REDIC1: variants seen among roughly 807,000 people sequenced by gnomAD.
The protein encoded by REDIC1 is regulator of DNA class I crossover intermediates 1, also known as HEI10 Interacting Protein 1.
chr12:39,826,279 T>C, the REDIC1 span, among the ~76,000 whole-genome samples: 4 of 152,020 alleles, frequency 2.6e-5, no homozygotes, highest in South Asian at 2.1e-4. Flanking sequence ...TTAGTACTTA[T>C]CTAATTTTTT....
the REDIC1 span, among the ~76,000 whole-genome samples, chr12:39,896,321 T>C: frequency 4.9e-5 from 4 of 82,186 alleles, no homozygotes; most frequent in East Asian, 1.0e-3. Flanking sequence ...TATATGTATG[T>C]ATATGTGTAT....
At chr12:39,875,380 GTGA>G in the REDIC1 span, among the ~76,000 whole-genome samples, 1 of 152,136 alleles carries the variant, frequency 6.6e-6, no homozygotes, top group African/African-American at 2.4e-5. Flanking sequence ...TGCCTCCCTT[GTGA>G]CTATATTGGC....
the REDIC1 span, among the ~76,000 whole-genome samples, chr12:39,849,294 T>G: frequency 1.3e-5 from 2 of 152,196 alleles, no homozygotes; most frequent in Non-Finnish European, 2.9e-5. Flanking sequence ...TGTGCATTGG[T>G]GAATGCAGCA....
chr12:39,859,837 G>A, the REDIC1 span, among the ~76,000 whole-genome samples: 2 of 151,960 alleles, frequency 1.3e-5, no homozygotes, highest in Admixed American at 1.3e-4. Context: ...TAATTGAGAA[G>A]TATTAAAAAG....
the REDIC1 span, among the ~76,000 whole-genome samples, chr12:39,679,880 A>G: frequency 6.6e-6 from 1 of 152,180 alleles, no homozygotes; most frequent in African/African-American, 2.4e-5. Flanking sequence ...AAACCAAAAC[A>G]TAAAGTGGGG....
chr12:39,673,553 T>C, the REDIC1 span, among the ~76,000 whole-genome samples: 1 of 152,246 alleles, frequency 6.6e-6, no homozygotes, highest in Non-Finnish European at 1.5e-5. Flanking sequence ...ATAAGTTTTC[T>C]TTCACTGATT....
chr12:39,666,175 C>T, the REDIC1 span, among the ~76,000 whole-genome samples: 1 of 152,086 alleles, frequency 6.6e-6, no homozygotes, highest in African/African-American at 2.4e-5. Context: ...CAGTTTTTGC[C>T]CTTTCAGTAT....
At chr12:39,630,807 G>A in the REDIC1 span, among the ~76,000 whole-genome samples, 2 of 152,242 alleles carry the variant, frequency 1.3e-5, no homozygotes. Context: ...GAGTTTGTAA[G>A]CTAGACAAAG....
At chr12:39,630,927 A>G in the REDIC1 span, among the ~76,000 whole-genome samples, 1 of 152,228 alleles carries the variant, frequency 6.6e-6, no homozygotes, top group African/African-American at 2.4e-5. Context: ...TGGTCCTAGT[A>G]GCATGCCCAG....
the REDIC1 span, among the ~76,000 whole-genome samples, chr12:39,713,154 T>C: frequency 1.3e-5 from 2 of 150,286 alleles, no homozygotes; most frequent in Non-Finnish European, 3.0e-5. Flanking sequence ...GATATGTGCA[T>C]ATACACACGT....
chr12:39,891,995 C>T, the REDIC1 span, among the ~76,000 whole-genome samples: 1 of 152,024 alleles, frequency 6.6e-6, no homozygotes, highest in Non-Finnish European at 1.5e-5. Context: ...TAGGTTTAAT[C>T]AAGTCTATTA....
chr12:39,774,575 T>C, the REDIC1 span, among the ~76,000 whole-genome samples: 3 of 131,210 alleles, frequency 2.3e-5, no homozygotes, highest in South Asian at 7.6e-4. Flanking sequence ...TGATTTCCCA[T>C]TGTCCAGCCT....
chr12:39,875,083 G>A, the REDIC1 span, among the ~76,000 whole-genome samples: 4 of 152,260 alleles, frequency 2.6e-5, no homozygotes, highest in South Asian at 8.3e-4. Flanking sequence ...TTGTGTTGCT[G>A]CCATGACAAA....
At chr12:39,628,931 G>A in the REDIC1 span, among the ~76,000 whole-genome samples, 1 of 152,276 alleles carries the variant, frequency 6.6e-6, no homozygotes, top group African/African-American at 2.4e-5. Context: ...GAGGCACCCA[G>A]CTAGTAAATG....
chr12:39,717,578 G>C, the REDIC1 span, among the ~76,000 whole-genome samples: 1 of 151,970 alleles, frequency 6.6e-6, no homozygotes, highest in Admixed American at 6.6e-5. Flanking sequence ...GGAGGAAGTA[G>C]AATGGTGGGC....
At chr12:39,726,136 C>T in the REDIC1 span, among the ~76,000 whole-genome samples, 2 of 151,840 alleles carry the variant, frequency 1.3e-5, no homozygotes, top group African/African-American at 4.8e-5. Flanking sequence ...TCCTCCTCCT[C>T]CTCCTCCTCT....
the REDIC1 span, among the ~76,000 whole-genome samples, chr12:39,739,853 TAGC>T: frequency 6.6e-6 from 1 of 152,224 alleles, no homozygotes; most frequent in African/African-American, 2.4e-5. Flanking sequence ...CCATAAAATG[TAGC>T]AGATGTGATG....
chr12:39,668,800 C>T, the REDIC1 span, among the ~76,000 whole-genome samples: 7 of 151,886 alleles, frequency 4.6e-5, no homozygotes, highest in East Asian at 7.8e-4. Flanking sequence ...TCATTTCATT[C>T]GTTTGATCTT....
the REDIC1 span, among the ~76,000 whole-genome samples, chr12:39,820,318 C>T: frequency 2.0e-5 from 3 of 152,126 alleles, no homozygotes; most frequent in African/African-American, 7.2e-5. Flanking sequence ...AAATTATGAG[C>T]ACAGAGTTTT....
Sources: allele counts gnomAD v4.1 joint callset (sites outside exome capture counted in the v4.1 genomes callset), GRCh38; gene constraint gnomAD v4.1.1; transcripts MANE v1.5; gene names NCBI Gene and HGNC (gene_info 2026-07-23, HGNC 2026-07-21).